MGME1: variants seen among roughly 807,000 people sequenced by gnomAD.
The protein encoded by MGME1 is chromosome 20 open reading frame 72.
MGME1 carries 22 observed loss-of-function variants against 33.0 expected under a neutral mutation model. The ratio of observed to expected loss-of-function variants is 0.67; its 90% CI spans 0.48 to 0.95. The LOEUF (loss-of-function observed/expected upper bound fraction) is 0.95. Among genes scored for constraint, MGME1 ranks in the 40% least tolerant of loss-of-function variants. The pLI, the probability that MGME1 is intolerant of heterozygous loss-of-function variation, is 0.00. For synonymous variants in MGME1, 133 were observed against 144.0 expected (o/e 0.92, Z 0.55); for missense variants, 383 against 397.8 (o/e 0.96, Z 0.32).
intron 2 of MGME1, among the ~76,000 whole-genome samples, chr20:17,972,275 A>C (rs2122499393): frequency 6.6e-6 from 1 of 152,294 alleles, no homozygotes; most frequent in East Asian, 1.9e-4. Flanking sequence ...GTCTTCTCAA[A>C]GGTGAGAGCA....
In MGME1 at chr20:17,988,280, T is replaced by A. The variant is rs28455091; in HGVS notation, c.846T>A (p.Asp282Glu). 4.5e-5 allele frequency: 72 copies of A among 1,613,586 alleles called. No homozygotes were observed. The highest frequency in any genetic ancestry group is 5.3e-5 in the Non-Finnish European group (62 of 1,179,894). ...VVAYMGAMNH[D>E]TNYSFQVQCG... is the part of the protein sequence containing the mutation. ...CATACATGGGTGCCATGAACCATGATACCAACTACAGCTTTCAGGTCAGGA... is the reference window on the plus strand; with the variant it reads ...CATACATGGGTGCCATGAACCATGAAACCAACTACAGCTTTCAGGTCAGGA... Residue 282 changes from aspartate to glutamate, a missense_variant, in exon 4 of 5, where the codon GAT becomes GAA. Physicochemically the swap from Asp to Glu is conservative, Grantham distance 45. Coordinates refer to ENST00000377710, the MANE Select transcript of MGME1 (RefSeq NM_052865.4).
chr20:17,984,826 A>G (rs2036114099), intron 3 of MGME1, among the ~76,000 whole-genome samples: 1 of 152,030 alleles, frequency 6.6e-6, no homozygotes, highest in Non-Finnish European at 1.5e-5. Flanking sequence ...ACTTGAGGTC[A>G]GGAGTTCGAG....
At chr20:17,973,755 G>C (rs1387235482) in intron 2 of MGME1, among the ~76,000 whole-genome samples, 1 of 152,072 alleles carries the variant, frequency 6.6e-6, no homozygotes, top group Non-Finnish European at 1.5e-5. Flanking sequence ...GTATCTAATT[G>C]GTGATTTCCA....
In MGME1 at chr20:17,988,175, C is replaced by T; in HGVS notation, c.741C>T (p.Leu247=). The change falls in exon 4 of 5, where the codon CTC becomes CTT. Residue 247 remains leucine, a synonymous_variant. Transcript: ENST00000377710. ...TGTGGTTTCTCTTTAGGGGCAAGCT[C>T]TGTGTGATTGATTGGAAGACATCAG... is the stretch of plus-strand genomic sequence containing the variant. ...LDCVAEYQGK[L]CVIDWKTSEK... is the part of the protein sequence containing the mutation. The T allele has an allele frequency of 6.2e-7, 1 of 1,613,362 alleles. No homozygotes were observed. The highest frequency in any genetic ancestry group is 1.1e-5 in the South Asian group (1 of 90,874).
intron 3 of MGME1, among the ~76,000 whole-genome samples, chr20:17,984,152 A>G (rs1568614812): frequency 6.6e-6 from 1 of 152,160 alleles, no homozygotes; most frequent in Non-Finnish European, 1.5e-5. Context: ...TCCTAACACA[A>G]TTGACAAAAC....
intron 2 of MGME1, chr20:17,972,886 G>C (rs1434799596): frequency 1.7e-6 from 1 of 582,360 alleles, no homozygotes; most frequent in Non-Finnish European, 2.2e-6. Flanking sequence ...CTTTTTCCTA[G>C]GCTTTAATTC....
At chr20:17,982,907 T>C (rs2036059627) in intron 3 of MGME1, among the ~76,000 whole-genome samples, 1 of 152,236 alleles carries the variant, frequency 6.6e-6, no homozygotes, top group South Asian at 2.1e-4. Context: ...TTTTTGGTGG[T>C]GAGAATCTTT....
intron 3 of MGME1, among the ~76,000 whole-genome samples, chr20:17,979,330 C>A (rs922870194): frequency 1.1e-4 from 16 of 152,108 alleles, no homozygotes; most frequent in Non-Finnish European, 2.4e-4. Context: ...CTGCCTGTCT[C>A]CGTCTCCCAA....
chr20:17,980,277 C>T (rs766297197), intron 3 of MGME1, among the ~76,000 whole-genome samples: 2 of 151,730 alleles, frequency 1.3e-5, no homozygotes, highest in Non-Finnish European at 2.9e-5. Context: ...CTGCCTGCCT[C>T]GGCCTCCCAA....
intron 2 of MGME1, chr20:17,972,579 A>G: frequency 1.2e-6 from 1 of 820,288 alleles, no homozygotes; most frequent in Non-Finnish European, 1.5e-6. Context: ...TTTCACTTTC[A>G]TTACTTTGAG....
At position 17,989,952 on chromosome 20, in the gene MGME1, T is replaced by C. The variant is rs775591366; in HGVS notation, c.878T>C (p.Leu293Ser). 6.2e-7 allele frequency: 1 copy of C among 1,614,110 alleles called. No individual in the cohort carries two copies. Among genetic ancestry groups the C allele is most frequent in the East Asian group, 2.2e-5 (1 of 44,880 alleles). The stretch of plus-strand genomic sequence containing the variant: ...GTTTCTTCCTAGGTTCAATGTGGCT[T>C]AATTGTGGTGGCCTACAAAGATGGA... ...TNYSFQVQCG[L>S]IVVAYKDGSP... is the part of the protein sequence containing the mutation. Residue 293 changes from leucine to serine, a missense_variant, in exon 5 of 5, where the codon TTA (leucine) becomes TCA (serine). Leu to Ser is a moderately radical substitution (Grantham distance 145). Coordinates refer to ENST00000377710, the MANE Select transcript of MGME1 (RefSeq NM_052865.4).
chr20:17,990,545 C>T lies in MGME1; in HGVS notation c.*436C>T. 1 of 210,434 alleles carries T rather than the reference C, an allele frequency of 4.8e-6. No individual in the cohort carries two copies. The highest frequency in any genetic ancestry group is 9.5e-6 in the Non-Finnish European group (1 of 105,108). The allele number at this position is 210,434 out of a possible 1,614,324, so 13.0% of individuals were successfully genotyped here. On this transcript the variant is annotated 3_prime_UTR_variant, in exon 5 of 5. Transcript: ENST00000377710. ...GGGGCTACATGCCCCCAGCTGTGTG[C>T]AGGGAGGACACATCAGCCCACTACC...
intron 3 of MGME1, among the ~76,000 whole-genome samples, chr20:17,978,628 C>T (rs1425583914): frequency 3.9e-5 from 6 of 152,202 alleles, no homozygotes; most frequent in South Asian, 2.1e-4. Flanking sequence ...GTCACCTCCA[C>T]CCAAGGCCTA....
intron 1 of MGME1, 120 bp downstream of exon 1, chr20:17,969,261 G>A (rs556359822): frequency 6.6e-6 from 1 of 152,456 alleles, no homozygotes; most frequent in African/African-American, 2.4e-5. Flanking sequence ...ACGGCGGAGC[G>A]GGAGGCGACT....
chr20:17,983,664 G>A (rs1023176252), intron 3 of MGME1, among the ~76,000 whole-genome samples: 2 of 152,136 alleles, frequency 1.3e-5, no homozygotes, highest in African/African-American at 2.4e-5. Flanking sequence ...TAATAGCCCA[G>A]TGTGATTTTG....
chr20:17,970,025 G>A lies in MGME1; in HGVS notation c.166G>A (p.Val56Ile). 6.2e-7 allele frequency: 1 copy of A among 1,614,190 alleles called. No individual in the cohort carries two copies. Among genetic ancestry groups the A allele is most frequent in the Admixed American group, 1.7e-5 (1 of 60,022 alleles). Residue 56 changes from valine (V) to isoleucine (I), a missense_variant, in exon 2 of 5, where the codon GTT becomes ATT. Physicochemically the swap from Val to Ile is conservative, Grantham distance 29. Transcript: ENST00000377710. ...EVDQEKYSNL[V>I]QSVLSSRGVA... ...GGACCAAGAAAAATACTCTAATTTA[G>A]TTCAGTCTGTCTTGTCATCCAGAGG...
In MGME1 at chr20:17,990,072, AG is replaced by A. The variant is rs1201271841; in HGVS notation, c.999del (p.Asn334ThrfsTer45). The A allele has an allele frequency of 3.1e-6, 5 of 1,614,148 alleles. No individual in the cohort carries two copies. The African/African-American group carries it at 6.7e-5, about 22-fold the overall frequency. ...CTAGAAGAATATACGGAAAAGAAAAAGAACCAGAATATTCAGAAACCAGAAT... is the reference window on the plus strand; with the variant it reads ...CTAGAAGAATATACGGAAAAGAAAAAAACCAGAATATTCAGAAACCAGAAT... Reference protein sequence around the residue: ...LRLEEYTEKKKNQNIQKPEYS... With the variant: ...LRLEEYTEKKXNQNIQKPEYS... On this transcript the variant is annotated frameshift_variant, in exon 5 of 5. Transcript: ENST00000377710. LOFTEE classifies it high-confidence loss of function.
intron 1 of MGME1, 92 bp from the exon 2 acceptor site, chr20:17,969,709 T>C: frequency 1.3e-6 from 1 of 748,140 alleles, no homozygotes; most frequent in Non-Finnish European, 2.1e-6. Flanking sequence ...AAGAAAGGGC[T>C]CTGTCCAAAC....
At chr20:17,975,032 G>C (rs941757102) in intron 2 of MGME1, among the ~76,000 whole-genome samples, 1 of 152,042 alleles carries the variant, frequency 6.6e-6, no homozygotes, top group Non-Finnish European at 1.5e-5. Flanking sequence ...TTTTATCACA[G>C]CCAGTTAACT....
Sources: allele counts gnomAD v4.1 joint callset (sites outside exome capture counted in the v4.1 genomes callset), GRCh38; gene constraint gnomAD v4.1.1; transcripts MANE v1.5; gene names NCBI Gene and HGNC (gene_info 2026-07-23, HGNC 2026-07-21).